Variants in HEATR1 observed in about 807,000 individuals in gnomAD.
The protein encoded by HEATR1 is HEAT repeat-containing protein 1.
A neutral mutation model predicts 248.2 loss-of-function variants in HEATR1; 77 were observed. That is an observed-to-expected ratio of 0.31 (90% CI 0.26 to 0.37). HEATR1 has a LOEUF of 0.37. HEATR1 is among the 10% of genes least tolerant of loss of function. The pLI, the probability that HEATR1 is intolerant of heterozygous loss-of-function variation, is 1.00. For synonymous variants in HEATR1, 897 were observed against 923.1 expected, an observed-to-expected ratio of 0.97 and a Z score of 0.51; for missense variants, 2,420 against 2,504.9, an observed-to-expected ratio of 0.97 and a Z score of 0.72.
intron 32 of HEATR1, among the ~76,000 whole-genome samples, chr1:236,562,620 C>A (rs1663161692): frequency 6.6e-6 from 1 of 152,092 alleles, no homozygotes; most frequent in African/African-American, 2.4e-5. Context: ...CTGTCCTTGG[C>A]CCCTTACAGT....
At chr1:236,581,100 G>T in intron 20 of HEATR1, 122 bp downstream of exon 20, 1 of 753,288 alleles carries the variant, frequency 1.3e-6, no homozygotes, top group Non-Finnish European at 2.1e-6. Flanking sequence ...TTACAGGCGT[G>T]AGATACCGCG....
At position 236,556,124 on chromosome 1, in the gene HEATR1, G is replaced by A. The variant is rs930800750; in HGVS notation, c.5490C>T (p.Tyr1830=). 1.2e-6 allele frequency: 2 copies of A among 1,614,094 alleles called. No individual in the cohort carries two copies. Among genetic ancestry groups the A allele is most frequent in the African/African-American group, 1.3e-5 (1 of 75,026 alleles). Residue 1830 remains tyrosine, a synonymous_variant, in exon 38 of 45, where the codon TAC becomes TAT. Coordinates refer to ENST00000366582, the MANE Select transcript of HEATR1 (RefSeq NM_018072.6). The part of the protein sequence containing the change: ...RVLLPAIKKT[Y]KQIEKNWKNH... ...CCTTCCAGTTCTTCTCAATCTGCTT[G>A]TAAGTTTTTTTGATGGCGGGCAACA... is the stretch of plus-strand genomic sequence containing the variant.
intron 3 of HEATR1, among the ~76,000 whole-genome samples, chr1:236,600,917 ACT>A (rs1664305963): frequency 2.0e-5 from 3 of 151,996 alleles, no homozygotes; most frequent in Admixed American, 6.6e-5. Context: ...TATCCACAAA[ACT>A]CTGCTTAATC....
At chr1:236,556,498 C>G (rs1438404183) in intron 37 of HEATR1, among the ~76,000 whole-genome samples, 1 of 152,220 alleles carries the variant, frequency 6.6e-6, no homozygotes, top group African/African-American at 2.4e-5. Flanking sequence ...GCACACACAG[C>G]ACCCAGACAG....
chr1:236,570,449 ATGG>A, intron 28 of HEATR1, among the ~76,000 whole-genome samples: 1 of 151,998 alleles, frequency 6.6e-6, no homozygotes, highest in East Asian at 1.9e-4. Context: ...GGTGGTGGTC[ATGG>A]TGGTGGTGGT....
In HEATR1 at chr1:236,576,764, T is replaced by C. The variant is rs965768712; in HGVS notation, c.2925+16A>G. ...GAGGCATGAACACACTCAATCTTCT[T>C]TGCTAACGAGCTTACCTGAATAACA... On this transcript the variant is annotated intron_variant, in intron 21 of 44. Coordinates refer to ENST00000366582, the MANE Select transcript of HEATR1 (RefSeq NM_018072.6). The C allele has an allele frequency of 4.4e-6, 7 of 1,599,900 alleles. No homozygotes were observed. The highest frequency in any genetic ancestry group is 1.7e-5 in the Admixed American group (1 of 58,034).
At chr1:236,562,483 C>A (rs1007747378) in intron 32 of HEATR1, among the ~76,000 whole-genome samples, 1 of 152,212 alleles carries the variant, frequency 6.6e-6, no homozygotes, top group African/African-American at 2.4e-5. Context: ...AGGGCCAGCA[C>A]TTGGACCATT....
chr1:236,549,406 G>A lies in HEATR1; in HGVS notation c.*1496C>T, dbSNP rs940726960. Reference sequence around the variant, plus strand: ...GTGGGGAGGGAAAAAAGCTCAGTCAGTGAGGATCATTTTATCACATTAGAC... The same window carrying A: ...GTGGGGAGGGAAAAAAGCTCAGTCAATGAGGATCATTTTATCACATTAGAC... On this transcript the variant is annotated 3_prime_UTR_variant, in exon 45 of 45. Transcript: ENST00000366582. 6.2e-6 allele frequency: 1 copy of A among 160,566 alleles called. No homozygotes were observed. Among genetic ancestry groups the A allele is most frequent in the Admixed American group, 6.4e-5 (1 of 15,506 alleles). 9.9% of individuals were successfully genotyped at this position (160,566 alleles called of 1,614,324 possible). A position where few individuals can be genotyped will look rare whatever the true frequency, so the allele number is the denominator to read the frequency against.
At chr1:236,565,835 G>A in intron 31 of HEATR1, 84 bp downstream of exon 31, 1 of 1,250,922 alleles carries the variant, frequency 8.0e-7, no homozygotes, top group East Asian at 2.4e-5. Context: ...TCCTTCTGAA[G>A]ATGTACTAAG....
At position 236,603,045 on chromosome 1, in the gene HEATR1, C is replaced by T. The variant is rs571404855; in HGVS notation, c.359+115G>A. On this transcript the variant is annotated intron_variant, in intron 3 of 44. Coordinates refer to ENST00000366582, the MANE Select transcript of HEATR1 (RefSeq NM_018072.6). ...TTATCTCACACAATGGACATTGTAT[C>T]AATCTCTTAATATACCTAATTTTTC... The T allele has an allele frequency of 2.9e-5, 20 of 695,474 alleles. No individual in the cohort carries two copies. The East Asian group carries it at 5.1e-4, about 18-fold the overall frequency. 43.1% of individuals were successfully genotyped at this position (695,474 alleles called of 1,614,324 possible).
At chr1:236,572,103 A>G (rs1293768258) in intron 26 of HEATR1, among the ~76,000 whole-genome samples, 2 of 152,160 alleles carry the variant, frequency 1.3e-5, no homozygotes, top group East Asian at 1.9e-4. Flanking sequence ...ACACATATCT[A>G]TATCTATATA....
At chr1:236,597,586 T>C (rs1304918156) in intron 5 of HEATR1, among the ~76,000 whole-genome samples, 2 of 152,068 alleles carry the variant, frequency 1.3e-5, no homozygotes, top group Non-Finnish European at 2.9e-5. Context: ...CCAGGTTGAA[T>C]ATTCCCGACA....
At chr1:236,596,776 G>A (rs1168941211) in intron 6 of HEATR1, 60 bp downstream of exon 6, 30 of 1,476,954 alleles carry the variant, frequency 2.0e-5, no homozygotes, top group Middle Eastern at 1.8e-4. Context: ...AAAAACTTTC[G>A]AAAGCAAGAA....
At chr1:236,581,121 G>A (rs1663725729) in intron 20 of HEATR1, 101 bp downstream of exon 20, 12 of 973,216 alleles carry the variant, frequency 1.2e-5, no homozygotes, top group Non-Finnish European at 1.8e-5. Context: ...CCTGCCCTCT[G>A]CTATTTTTTT....
At position 236,559,828 on chromosome 1, in the gene HEATR1, C is replaced by T. The variant is rs748961322; in HGVS notation, c.4656G>A (p.Glu1552=). 13 of 1,603,388 alleles carry T rather than the reference C, an allele frequency of 8.1e-6. No homozygotes were observed. The highest frequency in any genetic ancestry group is 1.3e-5 in the African/African-American group (1 of 74,648). Residue 1552 remains glutamate (E), a synonymous_variant, in exon 34 of 45, where the codon GAG becomes GAA. Transcript: ENST00000366582. ...CTGCACTGATATAGCCGAGAACGGT[C>T]TCCAGCAACCTGAAACACAGAGGCT... ...ILKGLEERLL[E]TVLGYISAVA...
chr1:236,572,963 C>G lies in HEATR1; in HGVS notation c.3460-135G>C, dbSNP rs149345278. Reference sequence around the variant, plus strand: ...TTACTGGATATGCATCTGAACCCCCCCCAGCATTGGATGCTACTACCTTGT... The same window carrying G: ...TTACTGGATATGCATCTGAACCCCCGCCAGCATTGGATGCTACTACCTTGT... On this transcript the variant is annotated intron_variant, in intron 24 of 44. Transcript: ENST00000366582. 2.2e-3 allele frequency: 1,718 copies of G among 773,346 alleles called. 2 individuals carry two copies. Among genetic ancestry groups the G allele is most frequent in the Admixed American group, 3.0e-3 (125 of 41,444 alleles). 47.9% of individuals were successfully genotyped at this position (773,346 alleles called of 1,614,324 possible). A position where few individuals can be genotyped will look rare whatever the true frequency, so the allele number is the denominator to read the frequency against.
chr1:236,565,790 A>T, intron 31 of HEATR1, 129 bp downstream of exon 31: 1 of 904,010 alleles, frequency 1.1e-6, no homozygotes, highest in Non-Finnish European at 1.6e-6. Context: ...AAGAAACTAC[A>T]CAATCAAATT....
Position 236,581,288 on chromosome 1 carries a change from C to A in HEATR1, c.2689G>T (p.Gly897Cys). 2 of 1,613,734 alleles carry A rather than the reference C, an allele frequency of 1.2e-6. No individual in the cohort carries two copies. Among genetic ancestry groups the A allele is most frequent in the Non-Finnish European group, 1.7e-6 (2 of 1,179,910 alleles). Residue 897 changes from glycine to cysteine, a missense_variant, in exon 20 of 45, where the codon GGC (glycine) becomes TGC (cysteine). Physicochemically the swap from Gly to Cys is radical, Grantham distance 159 (BLOSUM62 -3). Transcript: ENST00000366582. ...TTCTGAGAAGAAAGCATTGCACAGC[C>A]CACATAAAGAGCTTGAGTCTGCAGC... ...TVLQTQALYV[G>C]CAMLSSQKTQ...
chr1:236,551,143 G>C (rs140534608), intron 44 of HEATR1, 153 bp from the exon 45 acceptor site: 18,787 of 614,958 alleles, frequency 0.031, 456 homozygotes, highest in Admixed American at 0.1. Flanking sequence ...AGGCGCCACG[G>C]ACCGCCTCCC....
Sources: allele counts gnomAD v4.1 joint callset (sites outside exome capture counted in the v4.1 genomes callset), GRCh38; gene constraint gnomAD v4.1.1; transcripts MANE v1.5; gene names NCBI Gene and HGNC (gene_info 2026-07-23, HGNC 2026-07-21).